The following MMP16 variants were observed in gnomAD, a reference collection of about 807,000 sequenced individuals.
MMP16 encodes matrix metalloproteinase-16.
In MMP16, 12 loss-of-function variants were observed where a neutral mutation model predicts 67.8. The observed-to-expected ratio is 0.18, with a 90% CI of 0.11 to 0.29. MMP16 has a LOEUF of 0.29. Ranked by LOEUF, MMP16 falls within the 10% of genes least tolerant of loss-of-function variation. The pLI is 1.00. For missense variants in MMP16, 475 were observed against 765.7 expected, an observed-to-expected ratio of 0.62 and a Z score of 4.48; for synonymous variants, 249 against 255.9, an observed-to-expected ratio of 0.97 and a Z score of 0.26.
chr8:88,096,557 T>C (rs1809030508), intron 6 of MMP16, among the ~76,000 whole-genome samples: 1 of 151,690 alleles, frequency 6.6e-6, no homozygotes. Flanking sequence ...ACAAGAGAAA[T>C]ACAACTACTT....
In MMP16 at chr8:88,312,709, T is replaced by C. The variant is rs555219838; in HGVS notation, c.132+14366A>G. Reference sequence around the variant, plus strand: ...TTGAGCCAGGCACAGCGGCTCATGTTTGTAATCCCAACACTTTGGGAGGCT... The same window carrying C: ...TTGAGCCAGGCACAGCGGCTCATGTCTGTAATCCCAACACTTTGGGAGGCT... On this transcript the variant is annotated intron_variant, in intron 1 of 9. Transcript: ENST00000286614. Among the ~76,000 whole-genome samples, 4 of 152,238 alleles carry C rather than the reference T, an allele frequency of 2.6e-5. No homozygotes were observed. In the South Asian group the frequency reaches 8.3e-4, roughly 32 times the overall value.
intron 1 of MMP16, among the ~76,000 whole-genome samples, chr8:88,215,560 C>T (rs1048935931): frequency 2.6e-5 from 4 of 151,904 alleles, no homozygotes; most frequent in Non-Finnish European, 4.4e-5. Flanking sequence ...TATTCATGCC[C>T]CCTCCCTAAC....
rs976088384 is a variant in MMP16, at chr8:88,296,799, C to G, written c.132+30276G>C. 4.7e-5 allele frequency among the ~76,000 whole-genome samples: 7 copies of G among 149,644 alleles called. No homozygotes were observed. The South Asian group carries it at 1.5e-3, about 32-fold the overall frequency. ...GGTGGAGGTTGCAGTGAGCTGAGAT[C>G]GCACCACTGCACTCCAGCCTGGGTG... On this transcript the variant is annotated intron_variant, in intron 1 of 9. Coordinates refer to ENST00000286614, the MANE Select transcript of MMP16 (RefSeq NM_005941.5).
intron 6 of MMP16, among the ~76,000 whole-genome samples, chr8:88,112,712 T>C (rs1563535389): frequency 6.6e-6 from 1 of 151,444 alleles, no homozygotes; most frequent in Non-Finnish European, 1.5e-5. Flanking sequence ...TGTAGATACA[T>C]ATCCCACCTC....
chr8:88,181,587 A>G (rs1808981632), intron 3 of MMP16, among the ~76,000 whole-genome samples: 2 of 151,250 alleles, frequency 1.3e-5, no homozygotes, highest in Admixed American at 1.3e-4. Context: ...TTAATATATA[A>G]TATTTATGTT....
intron 3 of MMP16, among the ~76,000 whole-genome samples, chr8:88,172,493 GAACT>G (rs1372156742): frequency 1.3e-5 from 2 of 152,070 alleles, no homozygotes; most frequent in South Asian, 2.1e-4. Flanking sequence ...ATTCATAACT[GAACT>G]AACAAAGGTC....
intron 1 of MMP16, among the ~76,000 whole-genome samples, chr8:88,225,346 C>T (rs1034395363): frequency 6.6e-6 from 1 of 151,938 alleles, no homozygotes; most frequent in Admixed American, 6.6e-5. Context: ...TCTTCTCTTA[C>T]CATTCACACC....
intron 4 of MMP16, among the ~76,000 whole-genome samples, chr8:88,121,020 A>G (rs1052022828): frequency 9.2e-5 from 14 of 151,574 alleles, no homozygotes; most frequent in Non-Finnish European, 1.5e-4. Context: ...GCCTAGCTGA[A>G]TTATTAAAGG....
chr8:88,129,709 T>C (rs1304709921), intron 4 of MMP16, among the ~76,000 whole-genome samples: 1 of 151,622 alleles, frequency 6.6e-6, no homozygotes, highest in Non-Finnish European at 1.5e-5. Flanking sequence ...AGATATACAA[T>C]AGCAAAACTA....
chr8:88,296,997 G>A (rs1049213142), intron 1 of MMP16, among the ~76,000 whole-genome samples: 6 of 151,894 alleles, frequency 4.0e-5, no homozygotes, highest in Middle Eastern at 3.2e-3. Flanking sequence ...GGAAAGTTAT[G>A]ATTTTAAATT....
chr8:88,292,224 C>CAAACCTCTCTGTGTT (rs1439783354), intron 1 of MMP16, among the ~76,000 whole-genome samples: 2 of 152,182 alleles, frequency 1.3e-5, no homozygotes, highest in Non-Finnish European at 2.9e-5. Flanking sequence ...CAAAATCGTT[C>CAAACCTCTCTGTGTT]AAACCTCTCT....
chr8:88,137,717 A>G (rs2118493553), intron 4 of MMP16, among the ~76,000 whole-genome samples: 1 of 151,768 alleles, frequency 6.6e-6, no homozygotes, highest in Admixed American at 6.6e-5. Flanking sequence ...TCTTAATTTC[A>G]TAGGTGTTAG....
rs1808955673 is a variant in MMP16, at chr8:88,092,551, AG to A, written c.1084-17809del. 1.3e-5 allele frequency among the ~76,000 whole-genome samples: 2 copies of A among 151,764 alleles called. 1 individual carries two copies. Among genetic ancestry groups the A allele is most frequent in the South Asian group, 4.2e-4 (2 of 4,816 alleles). On this transcript the variant is annotated intron_variant, in intron 6 of 9. Transcript: ENST00000286614. ...TCTCCCAAATAAAGCTCACCTTAGG[AG>A]AGGGATTTTGTGGTGCTCATTGTGG...
At chr8:88,197,771 C>T (rs1367150945) in intron 1 of MMP16, among the ~76,000 whole-genome samples, 4 of 152,126 alleles carry the variant, frequency 2.6e-5, no homozygotes, top group African/African-American at 2.4e-5. Context: ...CCAGCTATGA[C>T]GTGTAGCATC....
chr8:88,153,806 G>T (rs1252941344), intron 4 of MMP16, among the ~76,000 whole-genome samples: 2 of 151,408 alleles, frequency 1.3e-5, no homozygotes, highest in African/African-American at 4.9e-5. Flanking sequence ...ATAGGCATGG[G>T]CAAGGACTTC....
chr8:88,153,598 A>G (rs557011664), intron 4 of MMP16, among the ~76,000 whole-genome samples: 63 of 152,032 alleles, frequency 4.1e-4, no homozygotes, highest in African/African-American at 1.5e-3. Flanking sequence ...CAAACCTGAG[A>G]AAAACAAGCA....
chr8:88,277,723 C>T (rs1810669420), intron 1 of MMP16, among the ~76,000 whole-genome samples: 1 of 152,158 alleles, frequency 6.6e-6, no homozygotes, highest in African/African-American at 2.4e-5. Flanking sequence ...AATTTTTGAT[C>T]TCTACTAAGC....
intron 1 of MMP16, among the ~76,000 whole-genome samples, chr8:88,217,895 G>C (rs997517379): frequency 2.0e-5 from 3 of 152,026 alleles, no homozygotes; most frequent in Non-Finnish European, 4.4e-5. Context: ...CACAAGTAAT[G>C]CATATGTCTG....
chr8:88,288,060 A>G (rs1367485041), intron 1 of MMP16, among the ~76,000 whole-genome samples: 1 of 152,232 alleles, frequency 6.6e-6, no homozygotes, highest in Non-Finnish European at 1.5e-5. Context: ...TCATAGCCCT[A>G]AAGTTAGGCA....
Sources: gnomAD v4.1 joint callset for allele counts (sites outside exome capture counted in the v4.1 genomes callset) on GRCh38, gnomAD v4.1.1 for gene constraint, MANE v1.5 for transcripts, NCBI Gene and HGNC (gene_info 2026-07-23, HGNC 2026-07-21) for gene names.